ERAP1: variants seen among roughly 807,000 people sequenced by gnomAD.
The protein encoded by ERAP1 is adipocyte-derived leucine aminopeptidase.
A neutral mutation model predicts 103.7 loss-of-function variants in ERAP1; 86 were observed. The ratio of observed to expected loss-of-function variants is 0.83; its 90% CI spans 0.70 to 0.99. The LOEUF is 0.99. ERAP1 is among the 50% of genes least tolerant of loss of function. The probability of loss-of-function intolerance (pLI) is 0.00; values close to 1 mark genes in which losing one functional copy is unlikely to be tolerated. For synonymous variants in ERAP1, 398 were observed against 402.4 expected (o/e 0.99, Z 0.13); for missense variants, 1,009 against 1,128.4 (o/e 0.89, Z 1.52).
chr5:96,905,245 G>C, the ERAP1 span, among the ~76,000 whole-genome samples: 891 of 152,228 alleles, frequency 5.9e-3, 6 homozygotes, highest in African/African-American at 0.02. Context: ...AAGGCAGAAT[G>C]TAAGTCTGTG....
the ERAP1 span, chr5:96,880,011 T>A: frequency 6.2e-7 from 1 of 1,614,184 alleles, no homozygotes; most frequent in Non-Finnish European, 8.5e-7. Context: ...CAGTTTATCA[T>A]CTTGCACAGC....
At chr5:96,826,741 A>G in the ERAP1 span, among the ~76,000 whole-genome samples, 2 of 152,084 alleles carry the variant, frequency 1.3e-5, no homozygotes, top group Admixed American at 6.5e-5. Flanking sequence ...AACCATCTGA[A>G]TTTTTGACCC....
the ERAP1 span, chr5:96,880,343 C>A: frequency 8.0e-7 from 1 of 1,251,618 alleles, no homozygotes; most frequent in Non-Finnish European, 1.1e-6. Context: ...CAGACTTCAG[C>A]AGCCATTTAT....
At chr5:96,846,326 T>G in the ERAP1 span, among the ~76,000 whole-genome samples, 1 of 152,194 alleles carries the variant, frequency 6.6e-6, no homozygotes, top group Non-Finnish European at 1.5e-5. Context: ...TCTTTCATTC[T>G]TTCTGACCAG....
chr5:96,797,198 T>C lies in ERAP1; in HGVS notation c.775A>G (p.Lys259Glu), dbSNP rs143271510. The change falls in exon 4 of 19, where the codon AAG becomes GAG. Residue 259 changes from lysine to glutamate, a missense_variant. Around this residue, in one of 3 missense-constraint regions of ERAP1, gnomAD observed 392 missense variants for 455.2 expected, o/e 0.86. Transcript: ENST00000443439. ...ACCTTGACTCCACTCTTGGTTATCT[T>C]GCTGACAGACTCAAAATCTGAAATG... ...FIISDFESVS[K>E]ITKSGVKVSV... The C allele has an allele frequency of 9.9e-6, 16 of 1,614,058 alleles. No homozygotes were observed. In the African/African-American group the frequency reaches 2.0e-4, roughly 20 times the overall value.
the ERAP1 span, among the ~76,000 whole-genome samples, chr5:96,844,930 G>A: frequency 1.5e-5 from 2 of 130,884 alleles, no homozygotes; most frequent in African/African-American, 6.3e-5. Context: ...GAGGAGCAGA[G>A]AAGAGTCAGG....
At chr5:96,821,545 G>T in the ERAP1 span, among the ~76,000 whole-genome samples, 1 of 152,148 alleles carries the variant, frequency 6.6e-6, no homozygotes. Flanking sequence ...CAAGAGCAGG[G>T]GCAGAGTATC....
chr5:96,896,658 A>T, the ERAP1 span: 1 of 1,481,852 alleles, frequency 6.7e-7, no homozygotes, highest in Non-Finnish European at 9.0e-7. Context: ...CGTAAAATTT[A>T]AGCTTCCTTT....
At chr5:96,889,043 T>C in the ERAP1 span, 1 of 979,584 alleles carries the variant, frequency 1.0e-6, no homozygotes, top group African/African-American at 1.6e-5. Flanking sequence ...GAACCTCTTA[T>C]CCTTATTGAC....
intron 9 of ERAP1, 26 bp from the exon 10 acceptor site, chr5:96,790,393 C>T: frequency 6.2e-7 from 1 of 1,611,698 alleles, no homozygotes; most frequent in Non-Finnish European, 8.5e-7. Context: ...AAACACATCA[C>T]TCTTATTTCT....
At chr5:96,866,437 C>T in the ERAP1 span, among the ~76,000 whole-genome samples, 47 of 152,304 alleles carry the variant, frequency 3.1e-4, no homozygotes, top group African/African-American at 7.7e-4. Context: ...AGACAAACAT[C>T]AGTGTTTGTA....
the ERAP1 span, among the ~76,000 whole-genome samples, chr5:96,849,781 A>G: frequency 6.6e-6 from 1 of 152,192 alleles, no homozygotes; most frequent in East Asian, 1.9e-4. Flanking sequence ...ACAGAACCAC[A>G]AAAGACCCTA....
At chr5:96,800,078 C>T (rs1253228668) in intron 3 of ERAP1, among the ~76,000 whole-genome samples, 1 of 152,238 alleles carries the variant, frequency 6.6e-6, no homozygotes, top group South Asian at 2.1e-4. Flanking sequence ...GCCTATTCTA[C>T]TCTGACTCTG....
Position 96,774,489 on chromosome 5 carries a change from G to A in ERAP1, c.*1907C>T. 1.0e-6 allele frequency: 1 copy of A among 986,002 alleles called. No individual in the cohort carries two copies. Among genetic ancestry groups the A allele is most frequent in the Non-Finnish European group, 1.2e-6 (1 of 829,104 alleles). 61.1% of individuals were successfully genotyped at this position (986,002 alleles called of 1,614,324 possible). On this transcript the variant is annotated 3_prime_UTR_variant, in exon 19 of 19. Coordinates refer to ENST00000443439, the MANE Select transcript of ERAP1 (RefSeq NM_001040458.3). ...AAATAATTGCAAATATCCACTTAGA[G>A]GCAAAGAACAATTTTTTATTATCAA...
chr5:96,773,920 A>G (rs1258154475), downstream of ERAP1: 4 of 152,456 alleles, frequency 2.6e-5, no homozygotes, highest in Non-Finnish European at 2.9e-5. Flanking sequence ...AGCAAAAACA[A>G]TAACACTGCT....
At chr5:96,879,772 GC>G in the ERAP1 span, 1 of 1,614,172 alleles carries the variant, frequency 6.2e-7, no homozygotes, top group Non-Finnish European at 8.5e-7. Context: ...CAGCCATCTT[GC>G]CCCAAATATG....
At position 96,775,993 on chromosome 5, in the gene ERAP1, C is replaced by G; in HGVS notation, c.*403G>C. The G allele has an allele frequency of 4.6e-6, 5 of 1,079,240 alleles. No homozygotes were observed. Among genetic ancestry groups the G allele is most frequent in the Non-Finnish European group, 5.7e-6 (5 of 882,318 alleles). 66.9% of individuals were successfully genotyped at this position (1,079,240 alleles called of 1,614,324 possible). A position where few individuals can be genotyped will look rare whatever the true frequency, so the allele number is the denominator to read the frequency against. On this transcript the variant is annotated 3_prime_UTR_variant, in exon 19 of 19. Transcript: ENST00000443439. ...ACCCAGTCATCGTCCGGCTTAGTCT[C>G]AGATCCAGGTGTTCATTGTTCAGTA... is the stretch of plus-strand genomic sequence containing the variant.
chr5:96,868,780 T>C, the ERAP1 span, among the ~76,000 whole-genome samples: 1 of 152,152 alleles, frequency 6.6e-6, no homozygotes, highest in Non-Finnish European at 1.5e-5. Flanking sequence ...GCTGATGCTG[T>C]TGGAGGGGCA....
chr5:96,801,854 CAAAAAAA>C (rs59332218), intron 2 of ERAP1, among the ~76,000 whole-genome samples: 1 of 54,682 alleles, frequency 1.8e-5, no homozygotes, highest in African/African-American at 9.3e-5. Flanking sequence ...TCCGTCTCGA[CAAAAAAA>C]AAAAAAAAAA....
Sources: gnomAD v4.1 joint callset for allele counts (sites outside exome capture counted in the v4.1 genomes callset) on GRCh38, gnomAD v4.1.1 for gene constraint, gnomAD v4.1.1 regional missense constraint, MANE v1.5 for transcripts, NCBI Gene and HGNC (gene_info 2026-07-23, HGNC 2026-07-21) for gene names.